The following CLEC1A variants were observed in gnomAD, a reference collection of about 807,000 sequenced individuals.
CLEC1A encodes the protein C-type lectin domain family 1 member A.
CLEC1A carries 34 observed loss-of-function variants against 28.7 expected under a neutral mutation model. That is an observed-to-expected ratio of 1.18 (90% CI 0.90 to 1.57). The LOEUF is 1.57. Ranked by LOEUF, CLEC1A falls within the 40% of genes most tolerant of loss-of-function variation. The probability of loss-of-function intolerance (pLI) is 0.00; values close to 1 mark genes in which losing one functional copy is unlikely to be tolerated. For synonymous variants in CLEC1A, 116 were observed against 121.0 expected, an observed-to-expected ratio of 0.96 and a Z score of 0.27; for missense variants, 385 against 339.5, an observed-to-expected ratio of 1.13 and a Z score of -1.05.
At chr12:10,078,528 C>G (rs745603740) in intron 3 of CLEC1A, among the ~76,000 whole-genome samples, 17 of 152,210 alleles carry the variant, frequency 1.1e-4, no homozygotes, top group Admixed American at 3.9e-4. Flanking sequence ...ACAGACTACC[C>G]TGGAATTCCT....
intron 1 of CLEC1A, among the ~76,000 whole-genome samples, chr12:10,091,104 T>C (rs1439627856): frequency 1.3e-5 from 2 of 152,184 alleles, no homozygotes; most frequent in African/African-American, 2.4e-5. Context: ...GGTCCGTAAG[T>C]CCATCTCTAG....
chr12:10,078,625 A>G (rs557441740), intron 3 of CLEC1A, among the ~76,000 whole-genome samples: 75 of 152,342 alleles, frequency 4.9e-4, no homozygotes, highest in African/African-American at 1.7e-3. Flanking sequence ...TCATTACTGT[A>G]TACCTGGGAC....
intron 5 of CLEC1A, among the ~76,000 whole-genome samples, chr12:10,072,972 C>G (rs1008400713): frequency 6.6e-6 from 1 of 152,056 alleles, no homozygotes; most frequent in African/African-American, 2.4e-5. Flanking sequence ...CCGAGCTACT[C>G]AGAAGGCTGA....
intron 4 of CLEC1A, among the ~76,000 whole-genome samples, chr12:10,073,719 A>T (rs1182404338): frequency 6.6e-6 from 1 of 152,234 alleles, no homozygotes; most frequent in Admixed American, 6.5e-5. Flanking sequence ...ATGTTGACAT[A>T]AAAATATGAG....
At chr12:10,072,059 C>T (rs934777591) in intron 5 of CLEC1A, among the ~76,000 whole-genome samples, 2 of 151,992 alleles carry the variant, frequency 1.3e-5, no homozygotes, top group African/African-American at 2.4e-5. Flanking sequence ...GGGAGGTGTT[C>T]GGGTCATCGG....
chr12:10,094,495 C>T (rs901205832), intron 1 of CLEC1A, among the ~76,000 whole-genome samples: 11 of 151,882 alleles, frequency 7.2e-5, no homozygotes, highest in African/African-American at 2.7e-4. Flanking sequence ...TTAATAGTAA[C>T]CATAAGTGTG....
intron 1 of CLEC1A, among the ~76,000 whole-genome samples, chr12:10,094,211 G>T (rs1367685261): frequency 1.3e-5 from 2 of 151,906 alleles, no homozygotes; most frequent in Non-Finnish European, 2.9e-5. Flanking sequence ...AATGATAATT[G>T]CTCAAATTTC....
intron 3 of CLEC1A, among the ~76,000 whole-genome samples, chr12:10,080,154 C>T (rs529379305): frequency 6.6e-6 from 1 of 152,096 alleles, no homozygotes; most frequent in South Asian, 2.1e-4. Flanking sequence ...ACTAAAAATA[C>T]AAGAAAAAAT....
intron 2 of CLEC1A, among the ~76,000 whole-genome samples, chr12:10,085,141 T>A (rs1866458551): frequency 1.4e-5 from 2 of 148,048 alleles, no homozygotes; most frequent in African/African-American, 5.0e-5. Context: ...AATCTCAGAA[T>A]ACACCAAAAT....
intron 2 of CLEC1A, among the ~76,000 whole-genome samples, chr12:10,087,204 CAAA>C (rs59407880): frequency 1.3e-5 from 1 of 76,000 alleles, no homozygotes; most frequent in Non-Finnish European, 2.3e-5. Context: ...GACTCCATCT[CAAA>C]AAAAAAAAAA....
intron 1 of CLEC1A, among the ~76,000 whole-genome samples, chr12:10,093,206 T>C (rs1318502728): frequency 1.3e-5 from 2 of 152,066 alleles, no homozygotes; most frequent in Non-Finnish European, 2.9e-5. Context: ...AGACAGATTT[T>C]CACAAAAATA....
chr12:10,078,592 T>C (rs1866301342), intron 3 of CLEC1A, among the ~76,000 whole-genome samples: 1 of 152,220 alleles, frequency 6.6e-6, no homozygotes, highest in East Asian at 1.9e-4. Flanking sequence ...TAATCTCTCA[T>C]ACATTGTATT....
chr12:10,082,684 CGT>C (rs929471128), intron 2 of CLEC1A, among the ~76,000 whole-genome samples: 76 of 152,226 alleles, frequency 5.0e-4, no homozygotes, highest in African/African-American at 1.8e-3. Context: ...GCTTACATCC[CGT>C]GTCTACTACT....
chr12:10,082,762 A>T (rs1446912139), intron 2 of CLEC1A, among the ~76,000 whole-genome samples: 2 of 152,174 alleles, frequency 1.3e-5, no homozygotes, highest in Admixed American at 6.5e-5. Context: ...CCATTAGAGT[A>T]ACTCAAGACA....
At chr12:10,090,732 T>C (rs1202077879) in intron 1 of CLEC1A, among the ~76,000 whole-genome samples, 3 of 152,106 alleles carry the variant, frequency 2.0e-5, no homozygotes, top group African/African-American at 7.2e-5. Context: ...TAAATGTGAA[T>C]CTTATTTCTT....
At chr12:10,083,159 G>C (rs1866405830) in intron 2 of CLEC1A, among the ~76,000 whole-genome samples, 1 of 152,302 alleles carries the variant, frequency 6.6e-6, no homozygotes, top group Non-Finnish European at 1.5e-5. Flanking sequence ...CTAGGGGAAG[G>C]GGGAGAGCAC....
In CLEC1A at chr12:10,098,975, C is replaced by G; in HGVS notation, c.-53G>C. On this transcript the variant is annotated 5_prime_UTR_variant, in exon 1 of 6. Coordinates refer to ENST00000315330, the MANE Select transcript of CLEC1A (RefSeq NM_016511.4). ...ATGTGGTCGGATTGCCCTGGGCCGC[C>G]GGGCTACTGTGAGCTAGTTCAGGAA... 1 of 1,331,192 alleles carries G rather than the reference C, an allele frequency of 7.5e-7. No homozygotes were observed. Among genetic ancestry groups the G allele is most frequent in the Non-Finnish European group, 1.1e-6 (1 of 944,202 alleles). The allele number at this position is 1,331,192 out of a possible 1,614,324, so 82.5% of individuals were successfully genotyped here.
At chr12:10,080,751 C>A (rs1866350488) in intron 3 of CLEC1A, among the ~76,000 whole-genome samples, 1 of 152,208 alleles carries the variant, frequency 6.6e-6, no homozygotes, top group Non-Finnish European at 1.5e-5. Flanking sequence ...GCACTGTCAT[C>A]ATCTGTGGTC....
intron 1 of CLEC1A, among the ~76,000 whole-genome samples, chr12:10,094,515 C>A (rs1198268236): frequency 1.3e-5 from 2 of 152,018 alleles, no homozygotes; most frequent in Admixed American, 6.6e-5. Context: ...GTTCTAGATA[C>A]ACATTATTTC....
Sources: allele counts gnomAD v4.1 joint callset (sites outside exome capture counted in the v4.1 genomes callset), GRCh38; gene constraint gnomAD v4.1.1; transcripts MANE v1.5; gene names NCBI Gene and HGNC (gene_info 2026-07-23, HGNC 2026-07-21).